TASP1: variants seen among roughly 807,000 people sequenced by gnomAD.
The protein encoded by TASP1 is taspase 1.
TASP1 carries 16 observed loss-of-function variants against 56.6 expected under a neutral mutation model. That is an observed-to-expected ratio of 0.28 (90% CI 0.19 to 0.43). TASP1 has a LOEUF of 0.43. TASP1 is among the 20% of genes least tolerant of loss of function. The pLI is 1.00. For synonymous variants in TASP1, 179 were observed against 184.2 expected (o/e 0.97, Z 0.23); for missense variants, 393 against 511.6 (o/e 0.77, Z 2.24).
the TASP1 span, among the ~76,000 whole-genome samples, chr20:13,269,873 G>A: frequency 2.0e-5 from 3 of 152,074 alleles, no homozygotes; most frequent in African/African-American, 7.2e-5. Flanking sequence ...GTTTATTGCT[G>A]TATCTCCTGT....
the TASP1 span, chr20:13,279,998 T>G: frequency 8.2e-7 from 1 of 1,222,706 alleles, no homozygotes. Flanking sequence ...AGCATGTGGC[T>G]TTTGGTCTTC....
At chr20:13,255,036 AG>A in the TASP1 span, among the ~76,000 whole-genome samples, 1 of 152,228 alleles carries the variant, frequency 6.6e-6, no homozygotes, top group Non-Finnish European at 1.5e-5. Flanking sequence ...ACATCCTGGT[AG>A]GGGCCACAAC....
the TASP1 span, among the ~76,000 whole-genome samples, chr20:13,278,754 TG>T: frequency 6.6e-6 from 1 of 152,228 alleles, no homozygotes; most frequent in Non-Finnish European, 1.5e-5. Flanking sequence ...AGCTTGTCTC[TG>T]CTCCATGTGA....
intron 4 of TASP1, among the ~76,000 whole-genome samples, chr20:13,598,429 G>T (rs569266002): frequency 1.3e-5 from 2 of 152,110 alleles, no homozygotes; most frequent in Non-Finnish European, 2.9e-5. Context: ...ACAAGAAATG[G>T]GGAAATGATT....
the TASP1 span, among the ~76,000 whole-genome samples, chr20:13,363,951 A>G: frequency 0.04 from 6,153 of 152,310 alleles, 423 homozygotes; most frequent in African/African-American, 0.14. Flanking sequence ...AAAACTACTT[A>G]CGCAATTTAT....
chr20:13,212,397 G>A, the TASP1 span, among the ~76,000 whole-genome samples: 3 of 152,140 alleles, frequency 2.0e-5, no homozygotes, highest in Non-Finnish European at 2.9e-5. Context: ...GGGCTTTGGA[G>A]GGATTGTTTG....
the TASP1 span, among the ~76,000 whole-genome samples, chr20:13,371,839 T>G: frequency 6.6e-6 from 1 of 152,224 alleles, no homozygotes; most frequent in Admixed American, 6.5e-5. Flanking sequence ...GGTGCATATA[T>G]GTTTATAATA....
At chr20:13,321,416 T>TG in the TASP1 span, among the ~76,000 whole-genome samples, 1 of 152,184 alleles carries the variant, frequency 6.6e-6, no homozygotes, top group Non-Finnish European at 1.5e-5. Flanking sequence ...TGAAGCCTGC[T>TG]GCCTTTCTAG....
At chr20:13,407,994 AT>A (rs1441472123) in intron 13 of TASP1, among the ~76,000 whole-genome samples, 1 of 151,680 alleles carries the variant, frequency 6.6e-6, no homozygotes, top group Non-Finnish European at 1.5e-5. Context: ...ATTTGCAAAT[AT>A]TTTTTCCTAT....
At chr20:13,410,185 A>G (rs2042050210) in intron 13 of TASP1, among the ~76,000 whole-genome samples, 1 of 152,178 alleles carries the variant, frequency 6.6e-6, no homozygotes, top group Non-Finnish European at 1.5e-5. Flanking sequence ...ATAGTATTCC[A>G]TTGTGTATAC....
chr20:13,288,625 T>A, the TASP1 span: 1 of 1,614,030 alleles, frequency 6.2e-7, no homozygotes, highest in Middle Eastern at 1.6e-4. Flanking sequence ...GGACCCGGTC[T>A]TGTGGCTACG....
the TASP1 span, among the ~76,000 whole-genome samples, chr20:13,287,961 G>C: frequency 1.3e-5 from 2 of 152,194 alleles, no homozygotes; most frequent in Non-Finnish European, 2.9e-5. Context: ...CACTGGGAAT[G>C]GCTAGAAGGC....
intron 1 of TASP1, among the ~76,000 whole-genome samples, chr20:13,636,710 C>T (rs1468201445): frequency 3.9e-5 from 6 of 152,014 alleles, no homozygotes; most frequent in African/African-American, 1.4e-4. Context: ...CAATAACCTA[C>T]ACTTTTATGA....
At chr20:13,238,685 G>A in the TASP1 span, among the ~76,000 whole-genome samples, 3 of 152,212 alleles carry the variant, frequency 2.0e-5, no homozygotes, top group South Asian at 6.2e-4. Context: ...TATACAGGAT[G>A]TTTTTGGCTT....
chr20:13,598,381 C>T (rs2047825846), intron 4 of TASP1, among the ~76,000 whole-genome samples: 1 of 152,146 alleles, frequency 6.6e-6, no homozygotes, highest in Non-Finnish European at 1.5e-5. Context: ...TAACACTACA[C>T]ATCTACAACC....
chr20:13,319,833 G>A, the TASP1 span, among the ~76,000 whole-genome samples: 2 of 152,354 alleles, frequency 1.3e-5, no homozygotes, highest in African/African-American at 4.8e-5. Flanking sequence ...GGCACCTGGT[G>A]TGGAGCTGTG....
chr20:13,637,420 A>G (rs2049348517), intron 1 of TASP1, among the ~76,000 whole-genome samples: 1 of 152,254 alleles, frequency 6.6e-6, no homozygotes, highest in African/African-American at 2.4e-5. Context: ...ACGTATGTCC[A>G]TACAAAAACT....
At chr20:13,309,625 G>T in the TASP1 span, among the ~76,000 whole-genome samples, 1 of 152,120 alleles carries the variant, frequency 6.6e-6, no homozygotes, top group Non-Finnish European at 1.5e-5. Flanking sequence ...AGAAATAAAA[G>T]GCATCTAAAT....
chr20:13,559,003 C>A lies in TASP1; in HGVS notation c.675+5G>T. The A allele has an allele frequency of 6.4e-7, 1 of 1,560,230 alleles. No individual in the cohort carries two copies. Among genetic ancestry groups the A allele is most frequent in the Non-Finnish European group, 8.7e-7 (1 of 1,146,394 alleles). On this transcript the variant is annotated splice_donor_5th_base_variant and intron_variant, in intron 8 of 13. Transcript: ENST00000337743. ...TTAATTTGAATATTTCAAACACCAC[C>A]TGACCTTCTCACTTGATTGTCTTCT...
Sources: gnomAD v4.1 joint callset for allele counts (sites outside exome capture counted in the v4.1 genomes callset) on GRCh38, gnomAD v4.1.1 for gene constraint, MANE v1.5 for transcripts, NCBI Gene and HGNC (gene_info 2026-07-23, HGNC 2026-07-21) for gene names.